PI4KA: variants seen among roughly 807,000 people sequenced by gnomAD.
PI4KA encodes the protein PI4-kinase alpha.
PI4KA carries 122 observed loss-of-function variants against 271.4 expected under a neutral mutation model. The observed-to-expected ratio is 0.45, with a 90% confidence interval of 0.39 to 0.52. The LOEUF (loss-of-function observed/expected upper bound fraction) is 0.52. Ranked by LOEUF, PI4KA falls within the 20% of genes least tolerant of loss-of-function variation. The pLI is 0.00. For missense variants in PI4KA, 1,969 were observed against 2,769.1 expected (o/e 0.71, Z 6.48); for synonymous variants, 1,041 against 1,078.8 (o/e 0.96, Z 0.69).
intron 19 of PI4KA, chr22:20,784,323 T>G: frequency 6.3e-7 from 1 of 1,593,276 alleles, no homozygotes; most frequent in Non-Finnish European, 8.6e-7. Context: ...ATGGATCATT[T>G]TTTTAAAAAG....
intron 1 of PI4KA, among the ~76,000 whole-genome samples, chr22:20,842,662 A>G (rs149190243): frequency 6.6e-6 from 1 of 151,774 alleles, no homozygotes; most frequent in Non-Finnish European, 1.5e-5. Context: ...AAAATACAAA[A>G]ATCAGCCAGG....
In PI4KA at chr22:20,729,028, C is replaced by T. The variant is rs551695006; in HGVS notation, c.4682+285G>A. Among the ~76,000 whole-genome samples the T allele has an allele frequency of 7.2e-5, 11 of 152,338 alleles. No homozygotes were observed. The East Asian group carries it at 7.7e-4, about 11-fold the overall frequency. On this transcript the variant is annotated intron_variant, in intron 39 of 54. Transcript: ENST00000255882. ...TGACAGCCTCCACATGCTTCCTATC[C>T]GGCAGGAATCAGATCTTGGCTCTGA...
At chr22:20,762,098 C>A (rs1932026032) in intron 22 of PI4KA, among the ~76,000 whole-genome samples, 1 of 151,968 alleles carries the variant, frequency 6.6e-6, no homozygotes, top group African/African-American at 2.4e-5. Flanking sequence ...AAAAAAATAT[C>A]TTTAACCTCA....
In PI4KA at chr22:20,858,650, C is replaced by T. The variant is rs934251599; in HGVS notation, c.76G>A (p.Ala26Thr). 29 of 1,484,032 alleles carry T rather than the reference C, an allele frequency of 2.0e-5. No individual in the cohort carries two copies. In the East Asian group the frequency reaches 4.6e-4, roughly 24 times the overall value. The allele number at this position is 1,484,032 out of a possible 1,614,324, so 91.9% of individuals were successfully genotyped here. ...GTGTTGAAATAGAAGCCCCGCGAGGCGCTGGAGCCGGAGCCGGAGCAGCCG... is the reference window on the plus strand; with the variant it reads ...GTGTTGAAATAGAAGCCCCGCGAGGTGCTGGAGCCGGAGCCGGAGCAGCCG... Reference protein sequence around the residue: ...GGGCSGSGSSASRGFYFNTVL... With the variant: ...GGGCSGSGSSTSRGFYFNTVL... Residue 26 changes from alanine (A) to threonine (T), a missense_variant, in exon 1 of 55, where the codon GCC becomes ACC. By Grantham distance (58) the Ala-to-Thr change is moderately conservative. Coordinates refer to ENST00000255882, the MANE Select transcript of PI4KA (RefSeq NM_058004.4).
chr22:20,799,650 G>A, intron 15 of PI4KA, 21 bp downstream of exon 15: 1 of 1,530,180 alleles, frequency 6.5e-7, no homozygotes, highest in Non-Finnish European at 8.9e-7. Context: ...CTGCCTCTGA[G>A]AGACAGGAAT....
chr22:20,762,605 T>C (rs548418734), intron 22 of PI4KA, among the ~76,000 whole-genome samples: 1 of 152,326 alleles, frequency 6.6e-6, no homozygotes, highest in East Asian at 1.9e-4. Flanking sequence ...TAGCTCTGCC[T>C]TCAAACCACA....
intron 19 of PI4KA, among the ~76,000 whole-genome samples, chr22:20,783,004 G>A (rs1933917626): frequency 6.6e-6 from 1 of 152,064 alleles, no homozygotes; most frequent in Non-Finnish European, 1.5e-5. Flanking sequence ...TTGTGCCTCT[G>A]TTTCCTCATA....
At chr22:20,792,253 G>T (rs1330982961) in intron 19 of PI4KA, among the ~76,000 whole-genome samples, 1 of 152,194 alleles carries the variant, frequency 6.6e-6, no homozygotes, top group African/African-American at 2.4e-5. Context: ...CACCCTAGAA[G>T]TCCCCAGGTT....
chr22:20,857,847 GTTGCCT>G (rs1256587301), intron 1 of PI4KA, among the ~76,000 whole-genome samples: 2 of 152,166 alleles, frequency 1.3e-5, no homozygotes, highest in African/African-American at 2.4e-5. Flanking sequence ...ACACCACTGA[GTTGCCT>G]TTCACCTTTC....
intron 1 of PI4KA, among the ~76,000 whole-genome samples, chr22:20,848,941 T>C (rs1437993133): frequency 6.6e-6 from 1 of 152,126 alleles, no homozygotes; most frequent in Non-Finnish European, 1.5e-5. Flanking sequence ...ATATATCTTA[T>C]TAAGAAACTT....
rs774248832 is a variant in PI4KA, at chr22:20,742,228, C to T, written c.3741G>A (p.Pro1247=). 5.0e-6 allele frequency: 8 copies of T among 1,613,604 alleles called. No individual in the cohort carries two copies. The highest frequency in any genetic ancestry group is 2.2e-5 in the East Asian group (1 of 44,896). ...LLAGKDGVEV[P]FMREMAGAWH... The stretch of plus-strand genomic sequence containing the variant: ...TGCCAACCCGAGGTCAGGGTCCTAC[C>T]GGCACTTCCACTCCATCCTTGCCAG... The change falls in exon 32 of 55, where the codon CCG becomes CCA. Residue 1247 remains proline (P), a splice_region_variant and synonymous_variant. Coordinates refer to ENST00000255882, the MANE Select transcript of PI4KA (RefSeq NM_058004.4).
chr22:20,803,065 G>C, intron 13 of PI4KA, 126 bp downstream of exon 13: 1 of 982,014 alleles, frequency 1.0e-6, no homozygotes. Flanking sequence ...GGACGCAAAG[G>C]GAAAGACAGA....
At chr22:20,746,708 G>A (rs1376644084) in intron 29 of PI4KA, among the ~76,000 whole-genome samples, 1 of 152,230 alleles carries the variant, frequency 6.6e-6, no homozygotes, top group East Asian at 1.9e-4. Flanking sequence ...GGGTGGCCCT[G>A]CAGGTGCAGG....
At chr22:20,742,824 T>A in intron 30 of PI4KA, 60 bp from the exon 31 acceptor site, 1 of 1,549,556 alleles carries the variant, frequency 6.5e-7, no homozygotes, top group Admixed American at 1.7e-5. Context: ...GGTAAGGTTC[T>A]GGAAGCCACC....
chr22:20,828,807 C>G (rs1192146473), intron 3 of PI4KA, among the ~76,000 whole-genome samples: 1 of 152,164 alleles, frequency 6.6e-6, no homozygotes, highest in Admixed American at 6.5e-5. Flanking sequence ...CCCACCTCGG[C>G]CTCCCAAAGT....
chr22:20,739,201 C>T (rs369752214), intron 32 of PI4KA, among the ~76,000 whole-genome samples: 45 of 121,768 alleles, frequency 3.7e-4, no homozygotes, highest in African/African-American at 1.5e-3. Context: ...AAAAAATTAG[C>T]CGGGCGTGGT....
intron 29 of PI4KA, among the ~76,000 whole-genome samples, chr22:20,745,849 G>A (rs547848976): frequency 6.6e-6 from 1 of 151,964 alleles, no homozygotes; most frequent in East Asian, 1.9e-4. Flanking sequence ...GCACCTGGTG[G>A]GCAGTGCAGG....
chr22:20,856,120 A>T (rs1927565517), intron 1 of PI4KA, among the ~76,000 whole-genome samples: 2 of 152,156 alleles, frequency 1.3e-5, no homozygotes, highest in Non-Finnish European at 2.9e-5. Flanking sequence ...CGTCTCCACT[A>T]AATACTAAAT....
intron 1 of PI4KA, among the ~76,000 whole-genome samples, chr22:20,849,925 T>A (rs536102850): frequency 6.6e-6 from 1 of 152,174 alleles, no homozygotes; most frequent in African/African-American, 2.4e-5. Flanking sequence ...CTACAAAATG[T>A]TCAGAATAAA....
Sources: gnomAD v4.1 joint callset for allele counts (sites outside exome capture counted in the v4.1 genomes callset) on GRCh38, gnomAD v4.1.1 for gene constraint, MANE v1.5 for transcripts, NCBI Gene and HGNC (gene_info 2026-07-23, HGNC 2026-07-21) for gene names.